UQCC1: variants seen among roughly 807,000 people sequenced by gnomAD.
The protein encoded by UQCC1 is ubiquinol-cytochrome c reductase complex assembly factor 1, also known as bFGF-repressed Zic-binding protein.
Under a neutral mutation model 48.0 loss-of-function variants are expected in UQCC1, and 38 were observed. That is an observed-to-expected ratio of 0.79 (90% CI 0.61 to 1.04). UQCC1 has a LOEUF of 1.04. Among genes scored for constraint, UQCC1 ranks in the 50% least tolerant of loss-of-function variants. The pLI is 0.00. For synonymous variants in UQCC1, 111 were observed against 129.2 expected (o/e 0.86, Z 0.95); for missense variants, 368 against 381.8 (o/e 0.96, Z 0.30).
chr20:35,401,153 T>A (rs2062158527), intron 1 of UQCC1, among the ~76,000 whole-genome samples: 1 of 152,208 alleles, frequency 6.6e-6, no homozygotes. Flanking sequence ...AATCAATATA[T>A]AACCTTGTTT....
intron 1 of UQCC1, chr20:35,410,026 G>C (rs1216048441): frequency 6.6e-6 from 1 of 151,730 alleles, no homozygotes; most frequent in East Asian, 2.0e-4. Flanking sequence ...GGCTGGTCTT[G>C]AACTCCTGGC....
intron 2 of UQCC1, among the ~76,000 whole-genome samples, chr20:35,393,741 T>C (rs1176240313): frequency 6.6e-6 from 1 of 151,904 alleles, no homozygotes; most frequent in African/African-American, 2.4e-5. Context: ...TATATTCATA[T>C]AAAGGAAAAA....
intron 1 of UQCC1, among the ~76,000 whole-genome samples, chr20:35,394,684 A>G (rs2062053597): frequency 6.6e-6 from 1 of 152,322 alleles, no homozygotes; most frequent in Non-Finnish European, 1.5e-5. Context: ...TTCTGATACC[A>G]AATGTGCAGG....
At chr20:35,315,817 C>G (rs2061051405) in intron 7 of UQCC1, among the ~76,000 whole-genome samples, 1 of 152,108 alleles carries the variant, frequency 6.6e-6, no homozygotes, top group African/African-American at 2.4e-5. Context: ...GCCTGGGAGG[C>G]CGAGGCTGCA....
In UQCC1 at chr20:35,332,006, C is replaced by A. The variant is rs539975724; in HGVS notation, c.573+15158G>T. ...ATGGAGACAATGAGAGGTAAAGAGA[C>A]TTGCCTAGGATCTCAAAGCAACATT... On this transcript the variant is annotated intron_variant, in intron 7 of 9. Transcript: ENST00000374385. Among the ~76,000 whole-genome samples, 5 of 152,344 alleles carry A rather than the reference C, an allele frequency of 3.3e-5. No individual in the cohort carries two copies. In the East Asian group the frequency reaches 9.6e-4, roughly 29 times the overall value.
At chr20:35,320,594 G>T (rs1400515930) in intron 7 of UQCC1, among the ~76,000 whole-genome samples, 1 of 152,216 alleles carries the variant, frequency 6.6e-6, no homozygotes, top group Non-Finnish European at 1.5e-5. Context: ...TCCAGTGGCA[G>T]CTAGAGACAG....
intron 5 of UQCC1, among the ~76,000 whole-genome samples, chr20:35,372,505 C>T (rs6142358): frequency 0.54 from 82,504 of 151,946 alleles, 23,435 homozygotes; most frequent in East Asian, 0.72. Context: ...TATGGTATTT[C>T]AGTTTTTGGT....
At chr20:35,341,798 G>C (rs2061381528) in intron 7 of UQCC1, among the ~76,000 whole-genome samples, 1 of 152,138 alleles carries the variant, frequency 6.6e-6, no homozygotes, top group South Asian at 2.1e-4. Flanking sequence ...AAAGACACAA[G>C]ACAGAAATAG....
intron 1 of UQCC1, among the ~76,000 whole-genome samples, chr20:35,403,484 G>A (rs1162820004): frequency 1.3e-5 from 2 of 152,170 alleles, no homozygotes; most frequent in Non-Finnish European, 2.9e-5. Context: ...CAGGAGACAA[G>A]TTGACTCCAG....
At chr20:35,306,397 GTGCACAGTGA>G in intron 9 of UQCC1, 1 of 430,102 alleles carries the variant, frequency 2.3e-6, no homozygotes, top group South Asian at 2.2e-5. Flanking sequence ...AGGCAATGAG[GTGCACAGTGA>G]ATGAATGACT....
intron 7 of UQCC1, among the ~76,000 whole-genome samples, chr20:35,335,652 T>C (rs943632771): frequency 6.6e-6 from 1 of 152,174 alleles, no homozygotes; most frequent in Non-Finnish European, 1.5e-5. Context: ...AGAATAGTGG[T>C]TTCCAGGGGC....
At chr20:35,312,787 A>G (rs1211230735) in intron 8 of UQCC1, among the ~76,000 whole-genome samples, 1 of 152,230 alleles carries the variant, frequency 6.6e-6, no homozygotes, top group Non-Finnish European at 1.5e-5. Flanking sequence ...GTTAAGTGAA[A>G]TAAGTCAGTC....
intron 1 of UQCC1, among the ~76,000 whole-genome samples, chr20:35,402,832 G>A (rs551026913): frequency 7.1e-4 from 107 of 151,726 alleles, no homozygotes; most frequent in African/African-American, 2.3e-3. Context: ...TTGGGAGGCC[G>A]AGGCAGGCGG....
At chr20:35,334,477 G>T (rs1318485913) in intron 7 of UQCC1, among the ~76,000 whole-genome samples, 1 of 152,058 alleles carries the variant, frequency 6.6e-6, no homozygotes, top group African/African-American at 2.4e-5. Context: ...CCTCTGCCTG[G>T]CATTCTCTTC....
chr20:35,318,832 G>A (rs896066116), intron 7 of UQCC1, among the ~76,000 whole-genome samples: 39 of 152,306 alleles, frequency 2.6e-4, no homozygotes, highest in African/African-American at 8.9e-4. Context: ...AGGGGAGCAG[G>A]ATATTCGCTC....
intron 6 of UQCC1, among the ~76,000 whole-genome samples, chr20:35,360,361 T>G (rs1359280826): frequency 6.6e-6 from 1 of 152,162 alleles, no homozygotes; most frequent in Non-Finnish European, 1.5e-5. Flanking sequence ...TGTCTGCCGG[T>G]GCAGTTCTCT....
chr20:35,320,253 A>G (rs1377297814), intron 7 of UQCC1, among the ~76,000 whole-genome samples: 1 of 152,212 alleles, frequency 6.6e-6, no homozygotes, highest in Non-Finnish European at 1.5e-5. Flanking sequence ...CCCATCATTC[A>G]TTATTTACCA....
intron 7 of UQCC1, among the ~76,000 whole-genome samples, chr20:35,339,575 G>T (rs887631689): frequency 2.0e-5 from 3 of 152,146 alleles, no homozygotes; most frequent in Non-Finnish European, 2.9e-5. Context: ...GCATGCACTT[G>T]AACTTTTTTG....
chr20:35,319,702 G>C (rs1388595968), intron 7 of UQCC1, among the ~76,000 whole-genome samples: 1 of 152,190 alleles, frequency 6.6e-6, no homozygotes, highest in Non-Finnish European at 1.5e-5. Context: ...GCAGATTAAT[G>C]AATGAGACAA....
Sources: gnomAD v4.1 joint callset for allele counts (sites outside exome capture counted in the v4.1 genomes callset) on GRCh38, gnomAD v4.1.1 for gene constraint, MANE v1.5 for transcripts, NCBI Gene and HGNC (gene_info 2026-07-23, HGNC 2026-07-21) for gene names.